Variants in CSMD1 observed in about 807,000 individuals in gnomAD.
CSMD1 encodes the protein CUB and sushi domain-containing protein 1.
In CSMD1, 213 loss-of-function variants were observed where a neutral mutation model predicts 417.5. The ratio of observed to expected loss-of-function variants is 0.51; its 90% CI spans 0.46 to 0.57. CSMD1 has a LOEUF of 0.57. CSMD1 is among the 20% of genes least tolerant of loss of function. The pLI is 0.00. For missense variants in CSMD1, 6,923 were observed against 4,529.7 expected, an observed-to-expected ratio of 1.53 and a Z score of -15.17; for synonymous variants, 2,862 against 1,736.8, an observed-to-expected ratio of 1.65 and a Z score of -16.11.
chr8:3,614,237 T>C (rs984653913), intron 8 of CSMD1, among the ~76,000 whole-genome samples: 1 of 152,110 alleles, frequency 6.6e-6, no homozygotes, highest in East Asian at 1.9e-4. Context: ...CCCAAAAAAC[T>C]AGGAAAGTGA....
At chr8:3,561,595 G>C (rs188883922) in intron 10 of CSMD1, among the ~76,000 whole-genome samples, 2 of 152,098 alleles carry the variant, frequency 1.3e-5, no homozygotes, top group African/African-American at 4.8e-5. Context: ...GATAAGGATG[G>C]CAACAACAGA....
chr8:3,788,600 G>C (rs1402900694), intron 5 of CSMD1, among the ~76,000 whole-genome samples: 4 of 152,154 alleles, frequency 2.6e-5, no homozygotes, highest in Non-Finnish European at 4.4e-5. Flanking sequence ...GGTGTTAATA[G>C]GATTGTAAAG....
At chr8:4,405,020 G>A (rs1007713236) in intron 3 of CSMD1, among the ~76,000 whole-genome samples, 2 of 152,230 alleles carry the variant, frequency 1.3e-5, no homozygotes, top group Non-Finnish European at 2.9e-5. Context: ...TAATAAAACT[G>A]AGGTTTAAAC....
intron 47 of CSMD1, among the ~76,000 whole-genome samples, chr8:3,092,989 G>C (rs1011286193): frequency 6.6e-6 from 1 of 152,112 alleles, no homozygotes; most frequent in African/African-American, 2.4e-5. Flanking sequence ...CAAAGATACT[G>C]AGAAACCATA....
In CSMD1 at chr8:4,678,406, G is replaced by C. The variant is rs375812773; in HGVS notation, c.86-40848C>G. Among the ~76,000 whole-genome samples, 274 of 151,536 alleles carry C rather than the reference G, an allele frequency of 1.8e-3. 1 individual carries two copies. Among genetic ancestry groups the C allele is most frequent in the African/African-American group, 5.5e-3 (225 of 40,984 alleles). On this transcript the variant is annotated intron_variant, in intron 1 of 69. Transcript: ENST00000635120. ...AGCCTGGGCAACAGAGCAAGACTCT[G>C]TCTCAACAACAAAAAAAAAGAATTT...
intron 5 of CSMD1, among the ~76,000 whole-genome samples, chr8:3,994,242 G>C (rs1334012424): frequency 6.9e-6 from 1 of 144,600 alleles, no homozygotes; most frequent in African/African-American, 2.4e-5. Context: ...ATGGAAGCCT[G>C]TTTCTTTTGT....
chr8:3,482,364 G>T (rs1817798157), intron 11 of CSMD1, among the ~76,000 whole-genome samples: 1 of 152,044 alleles, frequency 6.6e-6, no homozygotes, highest in African/African-American at 2.4e-5. Context: ...TAAAAAGCAG[G>T]AGTGCCTATG....
At chr8:4,589,915 G>A (rs1298828584) in intron 2 of CSMD1, among the ~76,000 whole-genome samples, 1 of 152,154 alleles carries the variant, frequency 6.6e-6, no homozygotes, top group Non-Finnish European at 1.5e-5. Flanking sequence ...CATAGAATAT[G>A]TGGCTTTTGT....
Position 3,714,561 on chromosome 8 carries a change from C to CAAAAAAAAA in CSMD1, c.932-6079_932-6071dup, listed in dbSNP as rs61494901. The stretch of plus-strand genomic sequence containing the variant: ...ACATGGCGAAACCCCATCTCTATCC[C>CAAAAAAAAA]AAAAAAAAAAAAAAAAAAAATTAGC... On this transcript the variant is annotated intron_variant, in intron 6 of 69. Transcript: ENST00000635120. Among the ~76,000 whole-genome samples, 216 of 70,528 alleles carry CAAAAAAAAA rather than the reference C, an allele frequency of 3.1e-3. 42 individuals are homozygous for CAAAAAAAAA. The highest frequency in any genetic ancestry group is 5.1e-3 in the African/African-American group (93 of 18,140). 46.3% of individuals were successfully genotyped at this position (70,528 alleles called of 152,430 possible).
intron 5 of CSMD1, among the ~76,000 whole-genome samples, chr8:3,975,726 C>T (rs1044967617): frequency 6.6e-6 from 1 of 152,166 alleles, no homozygotes; most frequent in African/African-American, 2.4e-5. Context: ...TCATTACATG[C>T]AAACTTTAAA....
At chr8:4,758,239 A>T (rs1193833242) in intron 1 of CSMD1, among the ~76,000 whole-genome samples, 5 of 152,102 alleles carry the variant, frequency 3.3e-5, no homozygotes, top group Non-Finnish European at 7.4e-5. Context: ...GGTAAGGAGG[A>T]AGCCCACCGA....
chr8:3,457,586 G>T (rs561189272), intron 12 of CSMD1, among the ~76,000 whole-genome samples: 9 of 152,304 alleles, frequency 5.9e-5, no homozygotes, highest in African/African-American at 1.7e-4. Context: ...AACACAGGAT[G>T]AATTTCAAGA....
rs761204743 is a variant in CSMD1 at position 3,087,126 on chromosome 8, T to C, written c.7445A>G (p.Gln2482Arg). 5.6e-6 allele frequency: 9 copies of C among 1,613,516 alleles called. No homozygotes were observed. Among genetic ancestry groups the C allele is most frequent in the East Asian group, 2.2e-5 (1 of 44,884 alleles). Reference protein sequence around the residue: ...TCRRNPLGMYQWDSLTPLCQA... With the variant: ...TCRRNPLGMYRWDSLTPLCQA... ...GCAGAGTGGCGTGAGGGAGTCCCAC[T>C]GGTACATGCCAAGTGGGTTTCGTCT... The change falls in exon 49 of 70, where the codon CAG becomes CGG. Residue 2482 changes from glutamine (Q) to arginine (R), a missense_variant. Transcript: ENST00000635120.
At chr8:3,777,848 G>C (rs1043726616) in intron 5 of CSMD1, among the ~76,000 whole-genome samples, 5 of 149,822 alleles carry the variant, frequency 3.3e-5, no homozygotes, top group Admixed American at 1.3e-4. Flanking sequence ...TTGAAGTGCA[G>C]AGTCTCAGTT....
At chr8:3,869,456 C>T (rs754034862) in intron 5 of CSMD1, among the ~76,000 whole-genome samples, 6 of 152,132 alleles carry the variant, frequency 3.9e-5, no homozygotes, top group Non-Finnish European at 7.4e-5. Context: ...GCGTGTCTCA[C>T]CTTAGTTTTA....
intron 5 of CSMD1, among the ~76,000 whole-genome samples, chr8:3,937,493 G>C (rs113099598): frequency 6.6e-6 from 1 of 152,124 alleles, no homozygotes; most frequent in Admixed American, 6.6e-5. Flanking sequence ...GCAAAAAGAT[G>C]ATGAGTCATT....
intron 3 of CSMD1, among the ~76,000 whole-genome samples, chr8:4,418,162 A>C (rs1797049083): frequency 6.6e-6 from 1 of 152,042 alleles, no homozygotes; most frequent in Non-Finnish European, 1.5e-5. Flanking sequence ...GTTTGTCTTC[A>C]CTTGTCAACA....
intron 1 of CSMD1, among the ~76,000 whole-genome samples, chr8:4,902,602 T>C (rs750017880): frequency 6.6e-6 from 1 of 152,224 alleles, no homozygotes; most frequent in Non-Finnish European, 1.5e-5. Flanking sequence ...ATAACATCCT[T>C]TGACCATTGT....
intron 53 of CSMD1, among the ~76,000 whole-genome samples, chr8:2,999,555 T>C (rs181091686): frequency 4.6e-5 from 7 of 152,206 alleles, no homozygotes; most frequent in African/African-American, 7.2e-5. Flanking sequence ...AGGCAGGGAG[T>C]GCCGCTGTTT....
Sources: gnomAD v4.1 joint callset for allele counts (sites outside exome capture counted in the v4.1 genomes callset) on GRCh38, gnomAD v4.1.1 for gene constraint, MANE v1.5 for transcripts, NCBI Gene and HGNC (gene_info 2026-07-23, HGNC 2026-07-21) for gene names.